The following PTPRN2 variants were observed in gnomAD, a reference collection of about 807,000 sequenced individuals.
PTPRN2 encodes the protein receptor-type tyrosine-protein phosphatase N2.
In PTPRN2, 74 loss-of-function variants were observed where a neutral mutation model predicts 118.8. The ratio of observed to expected loss-of-function variants is 0.62; its 90% CI spans 0.52 to 0.76. The LOEUF (loss-of-function observed/expected upper bound fraction) is 0.76. Among genes scored for constraint, PTPRN2 ranks in the 30% least tolerant of loss-of-function variants. The probability of loss-of-function intolerance (pLI) is 0.00; values close to 1 mark genes in which losing one functional copy is unlikely to be tolerated. For synonymous variants in PTPRN2, 641 were observed against 608.0 expected, an observed-to-expected ratio of 1.05 and a Z score of -0.80; for missense variants, 1,481 against 1,394.4, an observed-to-expected ratio of 1.06 and a Z score of -0.99.
rs371215634 is a variant in PTPRN2 at position 157,656,535 on chromosome 7, C to T, written c.2018G>A (p.Arg673His). ...TAAYQELCRQ[R>H]MATRPPDRPE... ...TCGGTCTGGTGGCCGCGTGGCCATA[C>T]GCTGGCGGCACAGCTCCTGCAGGAC... The change falls in exon 14 of 23, where the codon CGT becomes CAT. Residue 673 changes from arginine to histidine, a missense_variant. Physicochemically the swap from Arg to His is conservative, Grantham distance 29. Transcript: ENST00000389418. The T allele has an allele frequency of 2.2e-4, 340 of 1,543,194 alleles. No homozygotes were observed. The highest frequency in any genetic ancestry group is 2.5e-4 in the Non-Finnish European group (292 of 1,150,282).
intron 12 of PTPRN2, among the ~76,000 whole-genome samples, chr7:157,778,381 G>C (rs971906270): frequency 6.6e-6 from 1 of 151,898 alleles, no homozygotes; most frequent in African/African-American, 2.4e-5. Context: ...ACATGTCCAC[G>C]TGAATACAGG....
intron 9 of PTPRN2, among the ~76,000 whole-genome samples, chr7:158,113,833 C>T (rs890313107): frequency 3.9e-5 from 6 of 152,176 alleles, no homozygotes; most frequent in African/African-American, 7.2e-5. Flanking sequence ...GCCAGGACTT[C>T]GAGGCACGTA....
intron 11 of PTPRN2, among the ~76,000 whole-genome samples, chr7:158,051,973 T>C (rs2128897126): frequency 6.6e-6 from 1 of 152,190 alleles, no homozygotes; most frequent in East Asian, 1.9e-4. Context: ...GGGGAGGGAA[T>C]GAATATAGAC....
chr7:157,666,271 C>G (rs539316978), intron 13 of PTPRN2, among the ~76,000 whole-genome samples: 1 of 152,116 alleles, frequency 6.6e-6, no homozygotes, highest in Non-Finnish European at 1.5e-5. Context: ...AAGGTCCCTG[C>G]GTCTCAGTAT....
At position 158,071,247 on chromosome 7, in the gene PTPRN2, A is replaced by G. The variant is rs867559495; in HGVS notation, c.1723+10051T>C. Among the ~76,000 whole-genome samples the G allele has an allele frequency of 2.8e-3, 82 of 28,856 alleles. 5 individuals carry two copies. The highest frequency in any genetic ancestry group is 4.5e-3 in the Non-Finnish European group (58 of 12,810). The allele number at this position is 28,856 out of a possible 152,430, so 18.9% of individuals were successfully genotyped here. The stretch of plus-strand genomic sequence containing the variant: ...TGCCCGTGGTGGTGGAGGTGCTCGT[A>G]GTATGGAGGTGCCCGTGGTGGTGGA... On this transcript the variant is annotated intron_variant, in intron 11 of 22. Coordinates refer to ENST00000389418, the MANE Select transcript of PTPRN2 (RefSeq NM_002847.5).
rs527571557 is a variant in PTPRN2 at position 158,311,515 on chromosome 7, G to A, written c.277+5304C>T. On this transcript the variant is annotated intron_variant, in intron 3 of 22. Coordinates refer to ENST00000389418, the MANE Select transcript of PTPRN2 (RefSeq NM_002847.5). ...GTGTGTCTGCCCATGAAATAATGCT[G>A]CCTGTAGTAGACAAGAATGGTAAAA... 7.8e-4 allele frequency among the ~76,000 whole-genome samples: 119 copies of A among 152,316 alleles called. 3 individuals are homozygous for A. Among genetic ancestry groups the A allele is most frequent in the Admixed American group, 7.6e-3 (116 of 15,298 alleles).
intron 6 of PTPRN2, among the ~76,000 whole-genome samples, chr7:158,145,813 G>A (rs1389365065): frequency 6.6e-6 from 1 of 152,288 alleles, no homozygotes; most frequent in Non-Finnish European, 1.5e-5. Flanking sequence ...TCCTTGTGCT[G>A]CCCTGCCCTG....
intron 9 of PTPRN2, among the ~76,000 whole-genome samples, chr7:158,127,358 C>A (rs1253155407): frequency 6.6e-6 from 1 of 152,134 alleles, no homozygotes; most frequent in Non-Finnish European, 1.5e-5. Flanking sequence ...GTGGCCCGGG[C>A]TCTGCTCCAC....
chr7:157,924,391 G>A (rs1469749359), intron 11 of PTPRN2, among the ~76,000 whole-genome samples: 3 of 152,180 alleles, frequency 2.0e-5, no homozygotes, highest in African/African-American at 4.8e-5. Flanking sequence ...GAGGAGAACC[G>A]AGGCCACCAG....
intron 12 of PTPRN2, chr7:157,862,636 T>G (rs890267115): frequency 6.6e-6 from 1 of 152,258 alleles, no homozygotes; most frequent in Admixed American, 6.5e-5. Flanking sequence ...GCTTGGCTGG[T>G]CAAGAATCAT....
chr7:158,106,430 C>T (rs1012650482), intron 10 of PTPRN2, among the ~76,000 whole-genome samples: 1 of 152,202 alleles, frequency 6.6e-6, no homozygotes, highest in African/African-American at 2.4e-5. Context: ...CCACCATCAC[C>T]TCCATCCTTG....
intron 11 of PTPRN2, among the ~76,000 whole-genome samples, chr7:157,900,424 G>A (rs571702254): frequency 3.3e-5 from 5 of 152,300 alleles, no homozygotes; most frequent in East Asian, 1.9e-4. Flanking sequence ...AGGGTGTCAC[G>A]AGCAGTGAGT....
chr7:157,997,426 A>G (rs1804838442), intron 11 of PTPRN2, among the ~76,000 whole-genome samples: 1 of 152,082 alleles, frequency 6.6e-6, no homozygotes, highest in South Asian at 2.1e-4. Context: ...CTTTCCATAA[A>G]TCCCCCTGGC....
At chr7:157,799,019 T>G (rs1378329863) in intron 12 of PTPRN2, among the ~76,000 whole-genome samples, 1 of 152,162 alleles carries the variant, frequency 6.6e-6, no homozygotes, top group African/African-American at 2.4e-5. Flanking sequence ...CCCTCCTCCT[T>G]TCTTCTCCAA....
intron 15 of PTPRN2, chr7:157,613,903 A>C: frequency 5.0e-6 from 2 of 403,226 alleles, no homozygotes; most frequent in East Asian, 7.3e-5. Flanking sequence ...CGGCGCTGCT[A>C]TCCGGACTCC....
chr7:157,581,345 A>G (rs1800374946), intron 17 of PTPRN2, among the ~76,000 whole-genome samples: 1 of 152,248 alleles, frequency 6.6e-6, no homozygotes, highest in Non-Finnish European at 1.5e-5. Flanking sequence ...CCCAGGCCTC[A>G]GCATCCCCCT....
intron 12 of PTPRN2, among the ~76,000 whole-genome samples, chr7:157,815,205 C>G (rs112875072): frequency 1.1e-4 from 17 of 152,318 alleles, no homozygotes; most frequent in African/African-American, 4.1e-4. Flanking sequence ...TGTGGGCAGG[C>G]GCTGGGCACG....
chr7:158,071,696 T>TGGTGATGGAGGTGCTTGTG (rs1563392933), intron 11 of PTPRN2, among the ~76,000 whole-genome samples: 1 of 40,972 alleles, frequency 2.4e-5, no homozygotes, highest in Non-Finnish European at 5.2e-5. Context: ...TGGAGGTGCT[T>TGGTGATGGAGGTGCTTGTG]GTGGTGGAGG....
chr7:158,290,951 A>G (rs2151021329), intron 3 of PTPRN2, among the ~76,000 whole-genome samples: 1 of 152,340 alleles, frequency 6.6e-6, no homozygotes, highest in South Asian at 2.1e-4. Context: ...TAAAATATTC[A>G]GGGAAAGGAG....
Sources: allele counts gnomAD v4.1 joint callset (sites outside exome capture counted in the v4.1 genomes callset), GRCh38; gene constraint gnomAD v4.1.1; transcripts MANE v1.5; gene names NCBI Gene and HGNC (gene_info 2026-07-23, HGNC 2026-07-21).